VPS13B: variants seen among roughly 807,000 people sequenced by gnomAD.
The protein encoded by VPS13B is intermembrane lipid transfer protein VPS13B.
Under a neutral mutation model 426.4 loss-of-function variants are expected in VPS13B, and 285 were observed. That is an observed-to-expected ratio of 0.67 (90% CI 0.61 to 0.74). VPS13B has a LOEUF of 0.74. Ranked by LOEUF, VPS13B falls within the 30% of genes least tolerant of loss-of-function variation. The pLI is 0.00. For synonymous variants in VPS13B, 1,676 were observed against 1,676.4 expected (o/e 1.00, Z 0.01); for missense variants, 4,537 against 4,782.6 (o/e 0.95, Z 1.51).
At chr8:99,424,734 A>G (rs1209331750) in intron 21 of VPS13B, among the ~76,000 whole-genome samples, 1 of 152,162 alleles carries the variant, frequency 6.6e-6, no homozygotes, top group Non-Finnish European at 1.5e-5. Context: ...GGAAATAGAG[A>G]CATTTCCCTT....
intron 19 of VPS13B, among the ~76,000 whole-genome samples, chr8:99,313,073 T>C (rs1048614761): frequency 6.6e-6 from 1 of 152,162 alleles, no homozygotes; most frequent in Non-Finnish European, 1.5e-5. Flanking sequence ...ATTCATCTAA[T>C]CTTTTTTCAA....
intron 37 of VPS13B, among the ~76,000 whole-genome samples, chr8:99,718,203 CTGAG>C (rs1832998282): frequency 6.6e-6 from 1 of 151,980 alleles, no homozygotes; most frequent in Non-Finnish European, 1.5e-5. Flanking sequence ...CATCAACCTC[CTGAG>C]TGGGTAGAAC....
chr8:99,269,696 C>A (rs946848291), intron 17 of VPS13B, among the ~76,000 whole-genome samples: 1 of 152,168 alleles, frequency 6.6e-6, no homozygotes, highest in African/African-American at 2.4e-5. Context: ...TAGTAAATTT[C>A]TTTTCACAGT....
intron 39 of VPS13B, among the ~76,000 whole-genome samples, chr8:99,732,277 C>T (rs927942540): frequency 2.0e-5 from 3 of 152,142 alleles, no homozygotes; most frequent in African/African-American, 7.2e-5. Context: ...TCATGAGGAC[C>T]CATCTTCCTG....
chr8:99,160,036 T>C (rs1811561774), intron 15 of VPS13B, among the ~76,000 whole-genome samples: 2 of 152,062 alleles, frequency 1.3e-5, no homozygotes, highest in East Asian at 3.9e-4. Context: ...GACTACAGTA[T>C]AAGTGTATAC....
intron 17 of VPS13B, among the ~76,000 whole-genome samples, chr8:99,245,228 A>G (rs1262491060): frequency 1.3e-5 from 2 of 152,182 alleles, no homozygotes; most frequent in Non-Finnish European, 2.9e-5. Context: ...TTAGTTTTTC[A>G]GTGGTGATAG....
chr8:99,601,897 C>G (rs892453700), intron 33 of VPS13B, among the ~76,000 whole-genome samples: 2 of 152,184 alleles, frequency 1.3e-5, no homozygotes, highest in African/African-American at 2.4e-5. Flanking sequence ...TAGATATTAG[C>G]ACTTTGTCAG....
At chr8:99,543,520 T>C (rs367755904) in intron 30 of VPS13B, among the ~76,000 whole-genome samples, 37 of 151,270 alleles carry the variant, frequency 2.4e-4, no homozygotes, top group East Asian at 5.8e-4. Context: ...TCAGAGTGAA[T>C]AGGCAACCTA....
intron 43 of VPS13B, among the ~76,000 whole-genome samples, chr8:99,803,661 A>G (rs2130768861): frequency 6.6e-6 from 1 of 152,292 alleles, no homozygotes; most frequent in South Asian, 2.1e-4. Context: ...TTTTCTACTT[A>G]GTTTTTGGCA....
At chr8:99,365,151 G>T (rs1401679806) in intron 19 of VPS13B, among the ~76,000 whole-genome samples, 2 of 147,448 alleles carry the variant, frequency 1.4e-5, no homozygotes, top group Non-Finnish European at 3.0e-5. Flanking sequence ...GATTTTATTT[G>T]TATCTTACCT....
chr8:99,078,288 T>A (rs2132356748), intron 3 of VPS13B, among the ~76,000 whole-genome samples: 1 of 151,520 alleles, frequency 6.6e-6, no homozygotes, highest in Non-Finnish European at 1.5e-5. Flanking sequence ...TCACTTCTTC[T>A]AGTTTTGCGG....
At chr8:99,097,803 T>G (rs1490847760) in intron 4 of VPS13B, among the ~76,000 whole-genome samples, 1 of 152,120 alleles carries the variant, frequency 6.6e-6, no homozygotes, top group Non-Finnish European at 1.5e-5. Flanking sequence ...AAGATACACA[T>G]TGACTTTGTA....
At chr8:99,595,880 T>A (rs1001795017) in intron 33 of VPS13B, among the ~76,000 whole-genome samples, 1 of 151,960 alleles carries the variant, frequency 6.6e-6, no homozygotes, top group African/African-American at 2.4e-5. Flanking sequence ...CCAAAGATGT[T>A]GTAGAAATAA....
chr8:99,578,313 G>A (rs1825870283), intron 33 of VPS13B, among the ~76,000 whole-genome samples: 2 of 151,984 alleles, frequency 1.3e-5, no homozygotes, highest in South Asian at 4.1e-4. Context: ...AAAAGATGTT[G>A]CTTTTATTTT....
chr8:99,533,499 A>T (rs1223875071), intron 30 of VPS13B, among the ~76,000 whole-genome samples: 1 of 152,216 alleles, frequency 6.6e-6, no homozygotes. Flanking sequence ...TGTTCCCAAT[A>T]TGAAGTAACA....
intron 3 of VPS13B, among the ~76,000 whole-genome samples, chr8:99,084,970 C>T (rs184166375): frequency 2.0e-5 from 3 of 151,178 alleles, no homozygotes; most frequent in Admixed American, 2.0e-4. Flanking sequence ...TCTATTAGGT[C>T]TGCTTGGTGC....
intron 21 of VPS13B, among the ~76,000 whole-genome samples, chr8:99,417,906 C>G (rs1816122586): frequency 6.6e-6 from 1 of 151,896 alleles, no homozygotes; most frequent in African/African-American, 2.4e-5. Context: ...AGAAACAAAC[C>G]TAAATAGTTG....
At chr8:99,521,861 C>T (rs555496825) in intron 30 of VPS13B, among the ~76,000 whole-genome samples, 1 of 152,116 alleles carries the variant, frequency 6.6e-6, no homozygotes, top group Non-Finnish European at 1.5e-5. Context: ...TTAAATAGAT[C>T]TAGGAACTTT....
At chr8:99,544,475 A>G (rs1823838952) in intron 30 of VPS13B, among the ~76,000 whole-genome samples, 1 of 152,198 alleles carries the variant, frequency 6.6e-6, no homozygotes, top group African/African-American at 2.4e-5. Context: ...ATAATAAAAA[A>G]AATTCAGAAG....
Sources: allele counts gnomAD v4.1 joint callset (sites outside exome capture counted in the v4.1 genomes callset), GRCh38; gene constraint gnomAD v4.1.1; transcripts MANE v1.5; gene names NCBI Gene and HGNC (gene_info 2026-07-23, HGNC 2026-07-21).